The following SPSB1 variants were observed in gnomAD, a reference collection of about 807,000 sequenced individuals.
The protein encoded by SPSB1 is SPRY domain-containing SOCS box protein 1.
Under a neutral mutation model 21.2 loss-of-function variants are expected in SPSB1, and 8 were observed. The ratio of observed to expected loss-of-function variants is 0.38; its 90% CI spans 0.22 to 0.68. The LOEUF is 0.68. SPSB1 is among the 30% of genes least tolerant of loss of function. The probability of loss-of-function intolerance (pLI) is 0.53; values close to 1 mark genes in which losing one functional copy is unlikely to be tolerated. For synonymous variants in SPSB1, 169 were observed against 161.7 expected, an observed-to-expected ratio of 1.05 and a Z score of -0.34; for missense variants, 242 against 377.8, an observed-to-expected ratio of 0.64 and a Z score of 2.98.
intron 1 of SPSB1, among the ~76,000 whole-genome samples, chr1:9,311,878 A>G (rs1639526979): frequency 6.6e-6 from 1 of 152,176 alleles, no homozygotes; most frequent in Non-Finnish European, 1.5e-5. Flanking sequence ...ATCCTCTGCC[A>G]GATGAAATAG....
chr1:9,325,511 T>C (rs1639803566), intron 1 of SPSB1, among the ~76,000 whole-genome samples: 1 of 152,132 alleles, frequency 6.6e-6, no homozygotes, highest in East Asian at 1.9e-4. Flanking sequence ...CCTGCTTCTA[T>C]GGGAGCGGCA....
At chr1:9,299,469 T>C (rs1639280375) in intron 1 of SPSB1, among the ~76,000 whole-genome samples, 1 of 107,138 alleles carries the variant, frequency 9.3e-6, no homozygotes, top group Admixed American at 9.4e-5. Context: ...TGAGACGTCA[T>C]CTCTCTCTCT....
rs1243438989 is a variant in SPSB1 at position 9,293,482 on chromosome 1, C to G, written c.-150+411C>G. Among the ~76,000 whole-genome samples, 2 of 151,730 alleles carry G rather than the reference C, an allele frequency of 1.3e-5. No homozygotes were observed. Among genetic ancestry groups the G allele is most frequent in the African/African-American group, 4.8e-5 (2 of 41,414 alleles). On this transcript the variant is annotated intron_variant, in intron 1 of 2. Transcript: ENST00000328089. The surrounding 1 kb of genome is among the most constrained non-coding windows in gnomAD (Gnocchi z 5.1). ...CCGGGGAAAGCGGGACCCCGCTCGGCTGAGTTAGTTTCGCTTTTCCCGCCA... is the reference window on the plus strand; with the variant it reads ...CCGGGGAAAGCGGGACCCCGCTCGGGTGAGTTAGTTTCGCTTTTCCCGCCA...
chr1:9,305,465 C>A lies in SPSB1; in HGVS notation c.-150+12394C>A, dbSNP rs779283983. 1.5e-4 allele frequency among the ~76,000 whole-genome samples: 23 copies of A among 152,178 alleles called. No individual in the cohort carries two copies. Among genetic ancestry groups the A allele is most frequent in the Non-Finnish European group, 2.9e-4 (20 of 68,038 alleles). ...ACATGGCTGTTGTTCACGGCTGAGTCCCCAGTAGTTAGGTCCACAGTAGGT... is the reference window on the plus strand; with the variant it reads ...ACATGGCTGTTGTTCACGGCTGAGTACCCAGTAGTTAGGTCCACAGTAGGT... On this transcript the variant is annotated intron_variant, in intron 1 of 2. Coordinates refer to ENST00000328089, the MANE Select transcript of SPSB1 (RefSeq NM_025106.4). This position sits in a 1 kb window ranked among gnomAD's most constrained non-coding sequence, Gnocchi z 4.8.
Position 9,356,425 on chromosome 1 carries a change from G to T in SPSB1, c.534G>T (p.Leu178=). Residue 178 remains leucine, a synonymous_variant, in exon 2 of 3, where the codon CTG becomes CTT. Coordinates refer to ENST00000328089, the MANE Select transcript of SPSB1 (RefSeq NM_025106.4). This position sits in a 1 kb window ranked among gnomAD's most constrained non-coding sequence, Gnocchi z 7.4. The part of the protein sequence containing the change: ...DETFIVPDSF[L]VALDMDDGTL... The stretch of plus-strand genomic sequence containing the variant: ...CATTCATTGTCCCTGACTCCTTCCT[G>T]GTAGCCCTGGACATGGACGACGGGA... The T allele has an allele frequency of 6.2e-7, 1 of 1,614,134 alleles. No individual in the cohort carries two copies. Among genetic ancestry groups the T allele is most frequent in the Non-Finnish European group, 8.5e-7 (1 of 1,180,048 alleles).
chr1:9,314,006 T>G (rs370024240), intron 1 of SPSB1, among the ~76,000 whole-genome samples: 30 of 152,180 alleles, frequency 2.0e-4, no homozygotes, highest in African/African-American at 7.2e-4. Flanking sequence ...TGAAATCCCT[T>G]TTCCACTAAA....
rs892098975 is a variant in SPSB1, at chr1:9,321,934, C to T, written c.-150+28863C>T. ...TAGGTGCCATTGACGAGTGATCCTG[C>T]TCTGGGCTCTCCAGTCACCTCTAAC... On this transcript the variant is annotated intron_variant, in intron 1 of 2. Transcript: ENST00000328089. This position sits in a 1 kb window ranked among gnomAD's most constrained non-coding sequence, Gnocchi z 4.8. Among the ~76,000 whole-genome samples the T allele has an allele frequency of 1.3e-5, 2 of 152,132 alleles. No individual in the cohort carries two copies. The highest frequency in any genetic ancestry group is 1.3e-4 in the Admixed American group (2 of 15,278).
At chr1:9,355,510 C>T (rs920643772) in intron 1 of SPSB1, among the ~76,000 whole-genome samples, 6 of 152,230 alleles carry the variant, frequency 3.9e-5, no homozygotes, top group African/African-American at 1.4e-4. Flanking sequence ...CCCCCAAGCC[C>T]ACCTCTCCAC....
At chr1:9,354,839 G>T (rs1490937717) in intron 1 of SPSB1, among the ~76,000 whole-genome samples, 1 of 152,132 alleles carries the variant, frequency 6.6e-6, no homozygotes, top group South Asian at 2.1e-4. Flanking sequence ...CCAGTGGAGA[G>T]GGATCGGGTA....
At chr1:9,323,325 C>CG (rs1639756088) in intron 1 of SPSB1, among the ~76,000 whole-genome samples, 2 of 150,044 alleles carry the variant, frequency 1.3e-5, no homozygotes, top group African/African-American at 4.8e-5. Context: ...AGCCCCTTGG[C>CG]GGGGCGCTCA....
chr1:9,309,261 GGAGAGA>G (rs139194880), intron 1 of SPSB1, among the ~76,000 whole-genome samples: 4 of 147,166 alleles, frequency 2.7e-5, no homozygotes, highest in Admixed American at 6.8e-5. Context: ...GCTCCCCTGC[GGAGAGA>G]GAGAGAGAGA....
intron 2 of SPSB1, among the ~76,000 whole-genome samples, chr1:9,357,150 T>G (rs1275084920): frequency 2.4e-5 from 1 of 40,936 alleles, no homozygotes; most frequent in Non-Finnish European, 6.8e-5. Context: ...GATGGATGGG[T>G]GGATGGATGG....
At chr1:9,334,779 G>A (rs1639978508) in intron 1 of SPSB1, among the ~76,000 whole-genome samples, 1 of 152,184 alleles carries the variant, frequency 6.6e-6, no homozygotes, top group South Asian at 2.1e-4. Context: ...GGTACCTCAT[G>A]TAAGTGCAAT....
chr1:9,309,301 A>AGAGTGTGTGT (rs1245605413), intron 1 of SPSB1, among the ~76,000 whole-genome samples: 4 of 133,136 alleles, frequency 3.0e-5, no homozygotes, highest in African/African-American at 9.0e-5. Context: ...AGAGAGAGAG[A>AGAGTGTGTGT]GTGTGTGTGT....
intron 1 of SPSB1, among the ~76,000 whole-genome samples, chr1:9,353,335 G>A (rs960758754): frequency 7.9e-5 from 12 of 152,088 alleles, no homozygotes; most frequent in Non-Finnish European, 1.3e-4. Flanking sequence ...CTTCCCTCCC[G>A]CAGCTTGAGG....
At chr1:9,328,915 G>A (rs1259763513) in intron 1 of SPSB1, among the ~76,000 whole-genome samples, 1 of 152,190 alleles carries the variant, frequency 6.6e-6, no homozygotes, top group East Asian at 1.9e-4. Context: ...AGCCCCACAT[G>A]TGTCTCCAGA....
Position 9,305,839 on chromosome 1 carries a change from C to T in SPSB1, c.-150+12768C>T, listed in dbSNP as rs1351086868. Among the ~76,000 whole-genome samples the T allele has an allele frequency of 2.6e-5, 4 of 152,166 alleles. No individual in the cohort carries two copies. Among genetic ancestry groups the T allele is most frequent in the Non-Finnish European group, 5.9e-5 (4 of 68,034 alleles). On this transcript the variant is annotated intron_variant, in intron 1 of 2. Transcript: ENST00000328089. This position sits in a 1 kb window ranked among gnomAD's most constrained non-coding sequence, Gnocchi z 4.8. ...TTCTCTGTCTAGTGGGTGAGACAGG[C>T]CCGTCTCTGCTGATGATAGCGCTCA... is the stretch of plus-strand genomic sequence containing the variant.
chr1:9,311,720 G>A (rs960190380), intron 1 of SPSB1, among the ~76,000 whole-genome samples: 4 of 152,108 alleles, frequency 2.6e-5, no homozygotes, highest in African/African-American at 4.8e-5. Context: ...TGTTTCTGCC[G>A]GGGGTTGCCG....
rs1639771874 is a variant in SPSB1, at chr1:9,324,087, T to C, written c.-150+31016T>C. ...TGCTCTGAGCCTGGTTGCTCTGTCA[T>C]GGCCCCACCTTTTTTCCTAGGTTTT... is the stretch of plus-strand genomic sequence containing the variant. On this transcript the variant is annotated intron_variant, in intron 1 of 2. Coordinates refer to ENST00000328089, the MANE Select transcript of SPSB1 (RefSeq NM_025106.4). The surrounding 1 kb of genome is among the most constrained non-coding windows in gnomAD (Gnocchi z 4.3). 1.3e-5 allele frequency among the ~76,000 whole-genome samples: 2 copies of C among 152,216 alleles called. No individual in the cohort carries two copies. Among genetic ancestry groups the C allele is most frequent in the South Asian group, 4.1e-4 (2 of 4,830 alleles).
Sources: gnomAD v4.1 joint callset for allele counts (sites outside exome capture counted in the v4.1 genomes callset) on GRCh38, gnomAD v4.1.1 for gene constraint, Gnocchi (gnomAD v3.1) non-coding constraint, MANE v1.5 for transcripts, NCBI Gene and HGNC (gene_info 2026-07-23, HGNC 2026-07-21) for gene names.